The following ACSM2B variants were observed in gnomAD, a reference collection of about 807,000 sequenced individuals.
ACSM2B encodes the protein acyl-coenzyme A synthetase ACSM2B, mitochondrial.
A neutral mutation model predicts 78.6 loss-of-function variants in ACSM2B; 58 were observed. That is an observed-to-expected ratio of 0.74 (90% CI 0.60 to 0.92). The LOEUF (loss-of-function observed/expected upper bound fraction) is 0.92. ACSM2B is among the 40% of genes least tolerant of loss of function. The pLI, the probability that ACSM2B is intolerant of heterozygous loss-of-function variation, is 0.00. For missense variants in ACSM2B, 688 were observed against 711.2 expected (o/e 0.97, Z 0.37); for synonymous variants, 257 against 256.8 (o/e 1.00, Z -0.01).
chr16:20,569,019 T>G (rs773117227), intron 1 of ACSM2B, among the ~76,000 whole-genome samples: 1 of 151,980 alleles, frequency 6.6e-6, no homozygotes, highest in Non-Finnish European at 1.5e-5. Flanking sequence ...GGGTTGTCTG[T>G]TTACTTTGCT....
chr16:20,549,680 C>G (rs1289141850), intron 6 of ACSM2B: 1 of 407,704 alleles, frequency 2.5e-6, no homozygotes, highest in East Asian at 7.8e-5. Flanking sequence ...CTCAGGAGGT[C>G]CTGAGAACAC....
chr16:20,570,702 CGTTGTTGTTGTT>C (rs772640376), intron 1 of ACSM2B, among the ~76,000 whole-genome samples: 2 of 150,664 alleles, frequency 1.3e-5, no homozygotes, highest in African/African-American at 4.9e-5. Flanking sequence ...TTTTTGTTGT[CGTTGTTGTTGTT>C]GTTGATAATT....
intron 3 of ACSM2B, among the ~76,000 whole-genome samples, chr16:20,557,092 C>G (rs1047715390): frequency 6.6e-6 from 1 of 151,998 alleles, no homozygotes; most frequent in Non-Finnish European, 1.5e-5. Flanking sequence ...AAAGAGGTTG[C>G]TGGAGTTTCT....
chr16:20,537,358 T>C lies in ACSM2B; in HGVS notation c.1634A>G (p.Glu545Gly), dbSNP rs754257526. 6.2e-7 allele frequency: 1 copy of C among 1,613,782 alleles called. No homozygotes were observed. Among genetic ancestry groups the C allele is most frequent in the Non-Finnish European group, 8.5e-7 (1 of 1,179,836 alleles). Reference protein sequence around the residue: ...TAPYKYPRKIEFVLNLPKTVT... With the variant: ...TAPYKYPRKIGFVLNLPKTVT... ...AGTCTTGGGCAGGTTCAAGACAAAC[T>C]CTATCTGTTGAAAAACAAATCAGTC... Residue 545 changes from glutamate to glycine, a missense_variant, in exon 14 of 14, where the codon GAG (glutamate) becomes GGG (glycine). By Grantham distance (98) the Glu-to-Gly change is moderately conservative (BLOSUM62 -2). Coordinates refer to ENST00000329697, the MANE Select transcript of ACSM2B (RefSeq NM_001105069.2).
intron 1 of ACSM2B, among the ~76,000 whole-genome samples, chr16:20,569,280 G>A (rs1419727577): frequency 2.0e-5 from 3 of 151,948 alleles, no homozygotes; most frequent in African/African-American, 7.2e-5. Context: ...TCTCCTACAT[G>A]TGGCTTGCCA....
chr16:20,566,545 C>G (rs1418220027), intron 1 of ACSM2B, among the ~76,000 whole-genome samples: 1 of 98,910 alleles, frequency 1.0e-5, no homozygotes, highest in Admixed American at 1.5e-4. Flanking sequence ...TACTATATAA[C>G]TATATACTAT....
chr16:20,543,268 G>A lies in ACSM2B; in HGVS notation c.1282-6C>T. 6.2e-7 allele frequency: 1 copy of A among 1,611,082 alleles called. No individual in the cohort carries two copies. The highest frequency in any genetic ancestry group is 8.5e-7 in the Non-Finnish European group (1 of 1,179,848). On this transcript the variant is annotated splice_polypyrimidine_tract_variant and splice_region_variant and intron_variant, in intron 10 of 13. Coordinates refer to ENST00000329697, the MANE Select transcript of ACSM2B (RefSeq NM_001105069.2). The stretch of plus-strand genomic sequence containing the variant: ...GCTGTCTTGTCGGGATTTTCCTGGT[G>A]ACCACAGAAAGACAGAGTCATTGTG...
intron 8 of ACSM2B, 178 bp downstream of exon 8, chr16:20,547,884 T>G (rs1221120835): frequency 7.1e-7 from 1 of 1,412,464 alleles, no homozygotes; most frequent in Non-Finnish European, 9.4e-7. Flanking sequence ...AAACAGGAAC[T>G]TTGCCTTTTT....
chr16:20,553,848 C>T lies in ACSM2B; in HGVS notation c.669G>A (p.Gly223=), dbSNP rs775386976. The change falls in exon 5 of 14, where the codon GGG becomes GGA. Residue 223 remains glycine (G), a synonymous_variant. Coordinates refer to ENST00000329697, the MANE Select transcript of ACSM2B (RefSeq NM_001105069.2). ...CTGCCATCTTGGGAAGACCACTGGT[C>T]CCACTAGTGAAGTAGATGGCAGATG... The part of the protein sequence containing the change: ...QEASAIYFTS[G]TSGLPKMAEH... 14 of 1,613,748 alleles carry T rather than the reference C, an allele frequency of 8.7e-6. No individual in the cohort carries two copies. Among genetic ancestry groups the T allele is most frequent in the Non-Finnish European group, 1.2e-5 (14 of 1,179,826 alleles).
At position 20,557,783 on chromosome 16, in the gene ACSM2B, T is replaced by A. The variant is rs143218532; in HGVS notation, c.388+1454A>T. On this transcript the variant is annotated intron_variant, in intron 3 of 13. Coordinates refer to ENST00000329697, the MANE Select transcript of ACSM2B (RefSeq NM_001105069.2). ...ACAGATATCCTTTTAGGTTCTTTTA[T>A]AATTTTCAAGCTTCCCTCCCCTGTG... 4.1e-3 allele frequency among the ~76,000 whole-genome samples: 632 copies of A among 152,304 alleles called. 4 individuals carry two copies. The highest frequency in any genetic ancestry group is 0.014 in the African/African-American group (589 of 41,566).
chr16:20,559,080 C>T (rs1035380136), intron 3 of ACSM2B, among the ~76,000 whole-genome samples, 157 bp downstream of exon 3: 2 of 152,210 alleles, frequency 1.3e-5, no homozygotes, highest in Non-Finnish European at 2.9e-5. Context: ...ACATAGTTTG[C>T]TTAAATAAGT....
At chr16:20,561,433 C>T (rs868514611) in intron 2 of ACSM2B, among the ~76,000 whole-genome samples, 3 of 151,024 alleles carry the variant, frequency 2.0e-5, no homozygotes, top group Non-Finnish European at 3.0e-5. Context: ...AGAGAGAGAG[C>T]GTGGGGAAGT....
At chr16:20,560,040 A>G (rs1808127592) in intron 2 of ACSM2B, among the ~76,000 whole-genome samples, 1 of 150,814 alleles carries the variant, frequency 6.6e-6, no homozygotes, top group African/African-American at 2.5e-5. Context: ...AGTTTTAACT[A>G]TTTTTGAGTG....
At chr16:20,568,663 A>C (rs2016004629) in intron 1 of ACSM2B, among the ~76,000 whole-genome samples, 1 of 151,722 alleles carries the variant, frequency 6.6e-6, no homozygotes, top group South Asian at 2.1e-4. Flanking sequence ...CAGTGGCTGT[A>C]CTAGCTTACA....
intron 2 of ACSM2B, among the ~76,000 whole-genome samples, chr16:20,560,726 A>G (rs1336282860): frequency 2.0e-5 from 3 of 152,080 alleles, no homozygotes. Context: ...TCATGGGAAG[A>G]AATTGAAGAG....
chr16:20,566,087 G>T (rs1441395044), intron 1 of ACSM2B, among the ~76,000 whole-genome samples: 2 of 142,706 alleles, frequency 1.4e-5, no homozygotes, highest in East Asian at 4.1e-4. Flanking sequence ...TACTATGTAT[G>T]TATTATATAG....
chr16:20,567,907 T>C (rs2015977708), intron 1 of ACSM2B, among the ~76,000 whole-genome samples: 1 of 142,974 alleles, frequency 7.0e-6, no homozygotes, highest in South Asian at 2.1e-4. Flanking sequence ...CTATATATAG[T>C]ATATATTAAA....
At chr16:20,558,237 A>G (rs1406390016) in intron 3 of ACSM2B, among the ~76,000 whole-genome samples, 1 of 151,962 alleles carries the variant, frequency 6.6e-6, no homozygotes, top group Admixed American at 6.6e-5. Context: ...ATACCAAGAA[A>G]CTAACTCAAC....
chr16:20,557,563 C>T (rs2015513576), intron 3 of ACSM2B, among the ~76,000 whole-genome samples: 1 of 152,212 alleles, frequency 6.6e-6, no homozygotes, highest in Admixed American at 6.5e-5. Flanking sequence ...ACCATCCAAA[C>T]AGAGGATGAT....
Sources: allele counts gnomAD v4.1 joint callset (sites outside exome capture counted in the v4.1 genomes callset), GRCh38; gene constraint gnomAD v4.1.1; transcripts MANE v1.5; gene names NCBI Gene and HGNC (gene_info 2026-07-23, HGNC 2026-07-21).